HS6ST2: variants seen among roughly 807,000 people sequenced by gnomAD.
The protein encoded by HS6ST2 is heparan-sulfate 6-O-sulfotransferase 2.
In HS6ST2, 17 loss-of-function variants were observed where a neutral mutation model predicts 33.0. That is an observed-to-expected ratio of 0.52 (90% confidence interval 0.35 to 0.77). HS6ST2 has a LOEUF of 0.77. Among genes scored for constraint, HS6ST2 ranks in the 30% least tolerant of loss-of-function variants. The probability of loss-of-function intolerance (pLI) is 0.01; values close to 1 mark genes in which losing one functional copy is unlikely to be tolerated. For missense variants in HS6ST2, 519 were observed against 551.7 expected (o/e 0.94, Z 0.59); for synonymous variants, 248 against 237.1 (o/e 1.05, Z -0.42).
intron 2 of HS6ST2, among the ~76,000 whole-genome samples, chrX:132,768,215 T>G (rs1160789801): frequency 9.2e-6 from 1 of 108,387 alleles, no homozygotes; most frequent in African/African-American, 3.4e-5. Flanking sequence ...TGGACACCTT[T>G]AGTCCCAGCT....
At chrX:132,758,902 A>G (rs752657247) in intron 2 of HS6ST2, among the ~76,000 whole-genome samples, 50 of 111,268 alleles carry the variant, frequency 4.5e-4, no homozygotes, top group Non-Finnish European at 2.1e-4. Context: ...ACAGCCTGAT[A>G]TAGAAAGCCT....
chrX:132,905,192 C>T (rs1280315046), intron 2 of HS6ST2, among the ~76,000 whole-genome samples: 1 of 111,511 alleles, frequency 9.0e-6, no homozygotes, highest in Non-Finnish European at 1.9e-5. Flanking sequence ...TGTTATGATC[C>T]TTATGACATC....
chrX:132,716,028 C>T (rs1008008267), intron 2 of HS6ST2, among the ~76,000 whole-genome samples: 9 of 111,961 alleles, frequency 8.0e-5, no homozygotes, highest in Admixed American at 3.8e-4. Flanking sequence ...CCAAACAGCC[C>T]TTTTCAAATA....
rs770451428 is a variant in HS6ST2 at position 132,662,135 on chromosome X, C to A, written c.1067+6978G>T. Among the ~76,000 whole-genome samples the A allele has an allele frequency of 4.5e-5, 5 of 111,076 alleles. No homozygotes were observed. In the South Asian group the frequency reaches 1.2e-3, roughly 26 times the overall value. ...CTGAGTCCAGATATAGACCCAAATA[C>A]ATATGGACAAATGATCTTCAAGAAA... On this transcript the variant is annotated intron_variant, in intron 4 of 4. Coordinates refer to ENST00000370833, the MANE Select transcript of HS6ST2 (RefSeq NM_001394073.1).
intron 2 of HS6ST2, among the ~76,000 whole-genome samples, chrX:132,833,811 C>T (rs978124591): frequency 9.3e-6 from 1 of 108,094 alleles, no homozygotes. Flanking sequence ...GGTACATGTG[C>T]ACAATGTGCA....
In HS6ST2 at chrX:132,937,381, C is replaced by A. The variant is rs765097131; in HGVS notation, c.947+19427G>T. Among the ~76,000 whole-genome samples the A allele has an allele frequency of 5.4e-5, 6 of 111,877 alleles. No homozygotes were observed. The South Asian group carries it at 2.2e-3, about 42-fold the overall frequency. ...GTATGAAACTACAGAAGACCCTGAACAGCCGAAGCAATACTGAGCAAAAAG... is the reference window on the plus strand; with the variant it reads ...GTATGAAACTACAGAAGACCCTGAAAAGCCGAAGCAATACTGAGCAAAAAG... On this transcript the variant is annotated intron_variant, in intron 2 of 4. Transcript: ENST00000370833.
intron 2 of HS6ST2, among the ~76,000 whole-genome samples, chrX:132,815,603 T>G (rs1358937301): frequency 8.9e-6 from 1 of 112,091 alleles, no homozygotes; most frequent in Non-Finnish European, 1.9e-5. Flanking sequence ...TCTGTTAGCT[T>G]TTTGTTCTTG....
intron 2 of HS6ST2, among the ~76,000 whole-genome samples, chrX:132,946,176 T>A (rs1280460802): frequency 3.6e-5 from 4 of 111,605 alleles, no homozygotes; most frequent in Non-Finnish European, 5.7e-5. Flanking sequence ...TGTTGGTGGG[T>A]CTGTAAACTA....
At chrX:132,713,916 C>A (rs1278302113) in intron 2 of HS6ST2, among the ~76,000 whole-genome samples, 1 of 111,333 alleles carries the variant, frequency 9.0e-6, no homozygotes, top group Non-Finnish European at 1.9e-5. Flanking sequence ...CCTTCTAGAT[C>A]CAGAGGAATG....
intron 2 of HS6ST2, among the ~76,000 whole-genome samples, chrX:132,791,585 T>C (rs1316576153): frequency 8.9e-6 from 1 of 112,251 alleles, no homozygotes; most frequent in African/African-American, 3.2e-5. Context: ...AATATTTTGT[T>C]ACTTTGGACT....
At chrX:132,827,542 G>A (rs948419936) in intron 2 of HS6ST2, among the ~76,000 whole-genome samples, 11 of 110,697 alleles carry the variant, frequency 9.9e-5, no homozygotes, top group Admixed American at 5.8e-4. Flanking sequence ...AAGAGGCAAA[G>A]AAGAAATGTA....
chrX:132,756,820 G>GGTGT (rs3065679), intron 2 of HS6ST2, among the ~76,000 whole-genome samples: 10,857 of 97,137 alleles, frequency 0.11, 587 homozygotes, highest in South Asian at 0.23. Context: ...CCCTGTGCAT[G>GGTGT]GTGTGTGTGT....
intron 2 of HS6ST2, among the ~76,000 whole-genome samples, chrX:132,882,034 A>C (rs1323117487): frequency 9.0e-6 from 1 of 111,457 alleles, no homozygotes; most frequent in Non-Finnish European, 1.9e-5. Context: ...GTAGCCTTGT[A>C]GTATAGTTTG....
intron 2 of HS6ST2, among the ~76,000 whole-genome samples, chrX:132,824,928 A>T (rs187089951): frequency 3.6e-5 from 4 of 112,427 alleles, no homozygotes; most frequent in African/African-American, 1.3e-4. Context: ...CCATCTCTTA[A>T]TTCAGGGATA....
intron 2 of HS6ST2, among the ~76,000 whole-genome samples, chrX:132,794,574 G>GATGATTATT (rs916088563): frequency 1.3e-3 from 127 of 99,062 alleles, no homozygotes; most frequent in South Asian, 4.3e-3. Flanking sequence ...TGATGATGAT[G>GATGATTATT]ATTATTATTA....
chrX:132,924,721 C>T (rs757504702), intron 2 of HS6ST2, among the ~76,000 whole-genome samples: 10 of 111,756 alleles, frequency 8.9e-5, no homozygotes, highest in South Asian at 3.8e-4. Context: ...GGCATGGTGG[C>T]TTACGTCCAT....
intron 2 of HS6ST2, among the ~76,000 whole-genome samples, chrX:132,863,642 C>T (rs1470001792): frequency 1.8e-5 from 2 of 110,900 alleles, no homozygotes; most frequent in Non-Finnish European, 3.8e-5. Context: ...TTCTTAAAAT[C>T]ATTCCTCCAA....
At chrX:132,960,118 G>C (rs1248263448), upstream of HS6ST2, among the ~76,000 whole-genome samples, 1 of 112,198 alleles carries the variant, frequency 8.9e-6, no homozygotes, top group Non-Finnish European at 1.9e-5. Context: ...CAATGAACTT[G>C]TGCGAAGAAG....
intron 2 of HS6ST2, among the ~76,000 whole-genome samples, chrX:132,882,634 T>C (rs1295402087): frequency 4.6e-5 from 5 of 108,272 alleles, no homozygotes; most frequent in South Asian, 4.1e-4. Flanking sequence ...TCCTGCCTGA[T>C]TGCCCTGGCC....
Sources: allele counts gnomAD v4.1 joint callset (sites outside exome capture counted in the v4.1 genomes callset), GRCh38; gene constraint gnomAD v4.1.1; transcripts MANE v1.5; gene names NCBI Gene and HGNC (gene_info 2026-07-23, HGNC 2026-07-21).